The following KCTD16 variants were observed in gnomAD, a reference collection of about 807,000 sequenced individuals.
The protein encoded by KCTD16 is potassium channel tetramerization domain containing 16, also known as BTB/POZ domain-containing protein KCTD16.
KCTD16 carries 13 observed loss-of-function variants against 33.2 expected under a neutral mutation model. The observed-to-expected ratio is 0.39, with a 90% CI of 0.25 to 0.62. The LOEUF is 0.62. Among genes scored for constraint, KCTD16 ranks in the 20% least tolerant of loss-of-function variants. KCTD16 has a pLI of 0.50. For synonymous variants in KCTD16, 197 were observed against 195.3 expected (o/e 1.01, Z -0.07); for missense variants, 441 against 525.1 (o/e 0.84, Z 1.57).
chr5:144,280,562 G>A (rs1340911415), intron 3 of KCTD16, among the ~76,000 whole-genome samples: 1 of 152,016 alleles, frequency 6.6e-6, no homozygotes, highest in African/African-American at 2.4e-5. Flanking sequence ...TTCTTTTTCA[G>A]TCTGGCTAGA....
At chr5:144,208,302 G>T (rs1420360019) in intron 3 of KCTD16, among the ~76,000 whole-genome samples, 1 of 152,200 alleles carries the variant, frequency 6.6e-6, no homozygotes, top group Middle Eastern at 3.2e-3. Context: ...AGAGAGGGAA[G>T]AAATGAAACA....
intron 2 of KCTD16, among the ~76,000 whole-genome samples, chr5:144,201,623 C>T (rs1215537428): frequency 6.6e-6 from 1 of 152,218 alleles, no homozygotes; most frequent in Non-Finnish European, 1.5e-5. Context: ...ACCTGCGAGG[C>T]AGGTCTTTTT....
rs569325215 is a variant in KCTD16, at chr5:144,186,392, T to G, written c.-327+11920T>G. ...AAAAAAAAAAACTAATGGCTTATTGTCCCTGTTCAGAGCCTAAGGGAATTG... is the reference window on the plus strand; with the variant it reads ...AAAAAAAAAAACTAATGGCTTATTGGCCCTGTTCAGAGCCTAAGGGAATTG... On this transcript the variant is annotated intron_variant, in intron 2 of 3. Coordinates refer to ENST00000512467, the MANE Select transcript of KCTD16 (RefSeq NM_020768.4). Among the ~76,000 whole-genome samples the G allele has an allele frequency of 6.6e-5, 10 of 151,474 alleles. No homozygotes were observed. The East Asian group carries it at 1.7e-3, about 26-fold the overall frequency.
chr5:144,246,972 T>C (rs958004393), intron 3 of KCTD16, among the ~76,000 whole-genome samples: 1 of 152,212 alleles, frequency 6.6e-6, no homozygotes, highest in African/African-American at 2.4e-5. Flanking sequence ...TCATTTAGCC[T>C]TTTGCAGTTC....
At chr5:144,392,458 C>T (rs1752472111) in intron 3 of KCTD16, among the ~76,000 whole-genome samples, 1 of 152,136 alleles carries the variant, frequency 6.6e-6, no homozygotes, top group Admixed American at 6.5e-5. Context: ...ACTATGACCA[C>T]TAGATTTGTG....
chr5:144,343,906 T>C (rs1041670620), intron 3 of KCTD16, among the ~76,000 whole-genome samples: 1 of 152,130 alleles, frequency 6.6e-6, no homozygotes, highest in African/African-American at 2.4e-5. Context: ...AGTTTCTGAA[T>C]CCTAAGCCAA....
chr5:144,299,909 AAAAAAACAAAAAAC>A (rs781169760), intron 3 of KCTD16, among the ~76,000 whole-genome samples: 2 of 145,482 alleles, frequency 1.4e-5, no homozygotes, highest in African/African-American at 2.8e-5. Flanking sequence ...AAAAAAAAAA[AAAAAAACAAAAAAC>A]AAAAAACAAA....
intron 3 of KCTD16, among the ~76,000 whole-genome samples, chr5:144,443,893 T>C (rs1753764286): frequency 6.6e-6 from 1 of 152,112 alleles, no homozygotes; most frequent in Admixed American, 6.6e-5. Flanking sequence ...TAAGCAATAG[T>C]CAAATCATAG....
At chr5:144,375,262 C>G (rs1752064163) in intron 3 of KCTD16, among the ~76,000 whole-genome samples, 1 of 152,192 alleles carries the variant, frequency 6.6e-6, no homozygotes, top group African/African-American at 2.4e-5. Flanking sequence ...TGGCAAGTGT[C>G]TTACCTTCTT....
chr5:144,380,280 C>G (rs1164866616), intron 3 of KCTD16, among the ~76,000 whole-genome samples: 1 of 151,928 alleles, frequency 6.6e-6, no homozygotes, highest in Non-Finnish European at 1.5e-5. Context: ...ATACAGCTTA[C>G]CAAGGAGGTA....
At chr5:144,252,778 G>A (rs746500302) in intron 3 of KCTD16, among the ~76,000 whole-genome samples, 2 of 151,754 alleles carry the variant, frequency 1.3e-5, no homozygotes, top group Admixed American at 6.6e-5. Flanking sequence ...TGAGATGGAC[G>A]CTGGTGTCAG....
chr5:144,293,401 G>A lies in KCTD16; in HGVS notation c.832+85855G>A, dbSNP rs527858971. On this transcript the variant is annotated intron_variant, in intron 3 of 3. Transcript: ENST00000512467. ...CTTCCCCAATCATTTAATGGTCCATGTTCATTGTCTCTATAGTTCTTTTTT... is the reference window on the plus strand; with the variant it reads ...CTTCCCCAATCATTTAATGGTCCATATTCATTGTCTCTATAGTTCTTTTTT... Among the ~76,000 whole-genome samples, 10 of 152,200 alleles carry A rather than the reference G, an allele frequency of 6.6e-5. No individual in the cohort carries two copies. The East Asian group carries it at 1.9e-3, about 29-fold the overall frequency.
At chr5:144,317,277 TA>T (rs901545121) in intron 3 of KCTD16, among the ~76,000 whole-genome samples, 11 of 151,948 alleles carry the variant, frequency 7.2e-5, no homozygotes, top group South Asian at 2.1e-4. Flanking sequence ...GGGCCGGCAC[TA>T]AAAAAAAGAA....
At chr5:144,281,765 A>C (rs1447166307) in intron 3 of KCTD16, among the ~76,000 whole-genome samples, 1 of 152,112 alleles carries the variant, frequency 6.6e-6, no homozygotes, top group African/African-American at 2.4e-5. Flanking sequence ...TGATCTTTTG[A>C]TTACTGAGAG....
intron 3 of KCTD16, among the ~76,000 whole-genome samples, chr5:144,222,744 A>G (rs924034073): frequency 1.3e-5 from 2 of 152,216 alleles, no homozygotes; most frequent in Admixed American, 6.5e-5. Flanking sequence ...CGATTCCTCA[A>G]ATATCCAGAA....
At chr5:144,294,815 C>T (rs1755992798) in intron 3 of KCTD16, among the ~76,000 whole-genome samples, 1 of 152,148 alleles carries the variant, frequency 6.6e-6, no homozygotes. Context: ...ATTAAACTAC[C>T]AGTTGTTGAG....
chr5:144,210,383 C>T (rs567441677), intron 3 of KCTD16, among the ~76,000 whole-genome samples: 27 of 152,238 alleles, frequency 1.8e-4, no homozygotes, highest in African/African-American at 6.5e-4. Context: ...TTATGATTCA[C>T]TTATATGCAA....
rs958927235 is a variant in KCTD16 at position 144,476,822 on chromosome 5, T to C, written c.*2708T>C. 1 of 152,170 alleles carries C rather than the reference T, an allele frequency of 6.6e-6. No homozygotes were observed. Among genetic ancestry groups the C allele is most frequent in the African/African-American group, 2.4e-5 (1 of 41,448 alleles). The allele number at this position is 152,170 out of a possible 1,614,324, so 9.4% of individuals were successfully genotyped here. A position where few individuals can be genotyped will look rare whatever the true frequency, so the allele number is the denominator to read the frequency against. On this transcript the variant is annotated 3_prime_UTR_variant, in exon 4 of 4. Coordinates refer to ENST00000512467, the MANE Select transcript of KCTD16 (RefSeq NM_020768.4). ...GCTCTAGTAACTCTGGTAGTCACTG[T>C]GACTCGGGCATGTTTCCCTGAAGTT... is the stretch of plus-strand genomic sequence containing the variant.
At chr5:144,212,614 G>T (rs540639059) in intron 3 of KCTD16, among the ~76,000 whole-genome samples, 1 of 152,140 alleles carries the variant, frequency 6.6e-6, no homozygotes, top group African/African-American at 2.4e-5. Flanking sequence ...CACAAAACAC[G>T]GAAAGGAGCG....
Sources: gnomAD v4.1 joint callset for allele counts (sites outside exome capture counted in the v4.1 genomes callset) on GRCh38, gnomAD v4.1.1 for gene constraint, MANE v1.5 for transcripts, NCBI Gene and HGNC (gene_info 2026-07-23, HGNC 2026-07-21) for gene names.